The following SPATA17 variants were observed in gnomAD, a reference collection of about 807,000 sequenced individuals.
SPATA17 encodes spermatogenesis associated 17.
A neutral mutation model predicts 62.2 loss-of-function variants in SPATA17; 53 were observed. That is an observed-to-expected ratio of 0.85 (90% CI 0.68 to 1.07). The LOEUF is 1.07. Among genes scored for constraint, SPATA17 ranks in the 50% least tolerant of loss-of-function variants. The pLI, the probability that SPATA17 is intolerant of heterozygous loss-of-function variation, is 0.00. For synonymous variants in SPATA17, 146 were observed against 146.8 expected (o/e 0.99, Z 0.04); for missense variants, 466 against 425.5 (o/e 1.10, Z -0.84).
At chr1:217,675,722 A>C (rs1468101855) in intron 4 of SPATA17, among the ~76,000 whole-genome samples, 8 of 152,178 alleles carry the variant, frequency 5.3e-5, no homozygotes, top group Admixed American at 5.2e-4. Context: ...ATCATAACTA[A>C]TTCTCTGAGG....
At chr1:217,706,427 A>G (rs1671736387) in intron 5 of SPATA17, among the ~76,000 whole-genome samples, 1 of 152,134 alleles carries the variant, frequency 6.6e-6, no homozygotes, top group South Asian at 2.1e-4. Context: ...TGTGTTGAGG[A>G]AGGGAAGTGA....
chr1:217,838,655 C>G (rs546463920), intron 9 of SPATA17, among the ~76,000 whole-genome samples: 1 of 152,000 alleles, frequency 6.6e-6, no homozygotes, highest in Non-Finnish European at 1.5e-5. Flanking sequence ...AAAGAAATCA[C>G]TTTTGTTCTA....
At chr1:217,763,274 AAGAAT>A (rs1558040500) in intron 6 of SPATA17, among the ~76,000 whole-genome samples, 3 of 152,198 alleles carry the variant, frequency 2.0e-5, no homozygotes, top group Non-Finnish European at 1.5e-5. Context: ...CCATGAGAGA[AAGAAT>A]AGAATAGGAC....
At chr1:217,823,738 A>C (rs564704748) in intron 9 of SPATA17, among the ~76,000 whole-genome samples, 8 of 151,924 alleles carry the variant, frequency 5.3e-5, no homozygotes, top group Non-Finnish European at 1.2e-4. Flanking sequence ...ATTGTATTGC[A>C]GTGTATCTCT....
chr1:217,655,463 T>C (rs1225445811), intron 3 of SPATA17, among the ~76,000 whole-genome samples: 1 of 152,202 alleles, frequency 6.6e-6, no homozygotes, highest in Non-Finnish European at 1.5e-5. Context: ...ACTTACTATT[T>C]GTCTCTCATG....
At chr1:217,687,864 A>G (rs1671252923) in intron 5 of SPATA17, among the ~76,000 whole-genome samples, 1 of 152,232 alleles carries the variant, frequency 6.6e-6, no homozygotes, top group Non-Finnish European at 1.5e-5. Context: ...TTAATTGAGC[A>G]ATAAAAATGT....
At chr1:217,704,147 T>C (rs1383059019) in intron 5 of SPATA17, among the ~76,000 whole-genome samples, 2 of 151,082 alleles carry the variant, frequency 1.3e-5, no homozygotes, top group Admixed American at 6.6e-5. Flanking sequence ...TGGTTGGGTG[T>C]ACAGATTTTT....
At chr1:217,787,408 G>A (rs941982502) in intron 8 of SPATA17, among the ~76,000 whole-genome samples, 5 of 152,058 alleles carry the variant, frequency 3.3e-5, no homozygotes, top group African/African-American at 1.2e-4. Context: ...TATTTCTCTA[G>A]CTAATTTTTG....
chr1:217,675,414 T>C (rs982796991), intron 4 of SPATA17, among the ~76,000 whole-genome samples: 2 of 152,168 alleles, frequency 1.3e-5, no homozygotes, highest in Non-Finnish European at 2.9e-5. Context: ...CATTTCATAT[T>C]GTTGTCTGTG....
chr1:217,866,839 C>T (rs75366124), intron 10 of SPATA17, 183 bp from the exon 11 acceptor site: 2 of 146,628 alleles, frequency 1.4e-5, no homozygotes, highest in South Asian at 2.2e-4. Flanking sequence ...TTCTGAAGTT[C>T]CTTTTTTTTT....
chr1:217,742,360 G>A (rs750035625), intron 6 of SPATA17, among the ~76,000 whole-genome samples: 1 of 152,206 alleles, frequency 6.6e-6, no homozygotes, highest in Non-Finnish European at 1.5e-5. Context: ...AACACAACTC[G>A]AAGGGCATAA....
chr1:217,797,781 A>G (rs1674187805), intron 8 of SPATA17, among the ~76,000 whole-genome samples: 1 of 152,174 alleles, frequency 6.6e-6, no homozygotes, highest in Non-Finnish European at 1.5e-5. Flanking sequence ...AACAGAGTAC[A>G]GATTCCCTTC....
chr1:217,687,046 T>C lies in SPATA17; in HGVS notation c.395+3685T>C, dbSNP rs551748562. On this transcript the variant is annotated intron_variant, in intron 5 of 10. Coordinates refer to ENST00000366933, the MANE Select transcript of SPATA17 (RefSeq NM_138796.4). Reference sequence around the variant, plus strand: ...ATGATAGCTTTTAAATATTTTTTATTGTTGGAGATACAGTTGTTCTAAATT... The same window carrying C: ...ATGATAGCTTTTAAATATTTTTTATCGTTGGAGATACAGTTGTTCTAAATT... Among the ~76,000 whole-genome samples the C allele has an allele frequency of 2.0e-5, 3 of 152,340 alleles. No individual in the cohort carries two copies. In the East Asian group the frequency reaches 5.8e-4, roughly 29 times the overall value.
intron 9 of SPATA17, among the ~76,000 whole-genome samples, chr1:217,838,537 G>T (rs985448539): frequency 2.6e-4 from 40 of 151,890 alleles, no homozygotes; most frequent in African/African-American, 8.9e-4. Context: ...TTAACTAATA[G>T]TAAATCCAAA....
chr1:217,847,686 A>G (rs965616410), intron 9 of SPATA17, among the ~76,000 whole-genome samples: 5 of 152,168 alleles, frequency 3.3e-5, no homozygotes, highest in Admixed American at 6.6e-5. Context: ...AAAATTAATA[A>G]CAGAAGATAA....
intron 3 of SPATA17, among the ~76,000 whole-genome samples, chr1:217,656,242 G>C (rs1276286878): frequency 1.3e-5 from 2 of 152,160 alleles, no homozygotes; most frequent in Non-Finnish European, 2.9e-5. Context: ...TGTATTCAAA[G>C]TAGTCACCTT....
chr1:217,633,245 T>G (rs1232742931), intron 1 of SPATA17, among the ~76,000 whole-genome samples: 1 of 151,526 alleles, frequency 6.6e-6, no homozygotes, highest in Admixed American at 6.6e-5. Context: ...ATAACAACAA[T>G]AGAGTAACAT....
chr1:217,716,259 T>C (rs1244246125), intron 5 of SPATA17, among the ~76,000 whole-genome samples: 1 of 152,210 alleles, frequency 6.6e-6, no homozygotes, highest in African/African-American at 2.4e-5. Context: ...ATGTTTCCAA[T>C]TGTGCTTTAA....
At chr1:217,855,732 T>TTTTTG (rs1675768256) in intron 9 of SPATA17, among the ~76,000 whole-genome samples, 1 of 146,876 alleles carries the variant, frequency 6.8e-6, no homozygotes, top group East Asian at 2.0e-4. Flanking sequence ...AGGAACTATT[T>TTTTTG]TTTTTTTTTT....
Sources: gnomAD v4.1 joint callset for allele counts (sites outside exome capture counted in the v4.1 genomes callset) on GRCh38, gnomAD v4.1.1 for gene constraint, MANE v1.5 for transcripts, NCBI Gene and HGNC (gene_info 2026-07-23, HGNC 2026-07-21) for gene names.